SPAG16: variants seen among roughly 807,000 people sequenced by gnomAD.
SPAG16 encodes sperm-associated antigen 16 protein.
SPAG16 carries 86 observed loss-of-function variants against 80.4 expected under a neutral mutation model. The ratio of observed to expected loss-of-function variants is 1.07; its 90% CI spans 0.90 to 1.28. The LOEUF (loss-of-function observed/expected upper bound fraction) is 1.28. SPAG16 is among the 50% of genes most tolerant of loss of function. The pLI, the probability that SPAG16 is intolerant of heterozygous loss-of-function variation, is 0.00. For synonymous variants in SPAG16, 294 were observed against 265.9 expected (o/e 1.11, Z -1.03); for missense variants, 870 against 765.3 (o/e 1.14, Z -1.61).
intron 10 of SPAG16, among the ~76,000 whole-genome samples, chr2:213,860,460 C>CATATATATATATAT (rs1559529508): frequency 1.5e-5 from 2 of 131,590 alleles, no homozygotes; most frequent in African/African-American, 5.8e-5. Flanking sequence ...TATATATATA[C>CATATATATATATAT]AGATATATCT....
At chr2:213,554,865 C>G (rs986904500) in intron 10 of SPAG16, among the ~76,000 whole-genome samples, 1 of 151,142 alleles carries the variant, frequency 6.6e-6, no homozygotes, top group Non-Finnish European at 1.5e-5. Flanking sequence ...GCATCAAATA[C>G]AAATATTCAA....
intron 10 of SPAG16, among the ~76,000 whole-genome samples, chr2:213,511,349 G>C (rs2075218388): frequency 6.6e-6 from 1 of 151,996 alleles, no homozygotes; most frequent in African/African-American, 2.4e-5. Context: ...TTGAAGGCTA[G>C]TTTAAAATAA....
intron 13 of SPAG16, among the ~76,000 whole-genome samples, chr2:214,098,021 G>A (rs1012800406): frequency 1.3e-5 from 2 of 151,940 alleles, no homozygotes; most frequent in African/African-American, 4.8e-5. Context: ...GACCCAAGTA[G>A]TTTCGCTCCA....
intron 13 of SPAG16, among the ~76,000 whole-genome samples, chr2:214,080,778 A>C (rs1246974323): frequency 6.6e-6 from 1 of 152,146 alleles, no homozygotes; most frequent in Non-Finnish European, 1.5e-5. Context: ...ACCCAATCAA[A>C]ACAAACATAA....
chr2:213,956,608 T>C (rs1202282826), intron 12 of SPAG16, among the ~76,000 whole-genome samples: 1 of 151,678 alleles, frequency 6.6e-6, no homozygotes, highest in African/African-American at 2.4e-5. Flanking sequence ...CCACGACGCC[T>C]GGCTAATTTT....
At chr2:213,519,028 C>T (rs890882341) in intron 10 of SPAG16, among the ~76,000 whole-genome samples, 4 of 152,128 alleles carry the variant, frequency 2.6e-5, no homozygotes, top group African/African-American at 7.2e-5. Context: ...ATTGAGCACA[C>T]ATAGACGTAA....
intron 12 of SPAG16, among the ~76,000 whole-genome samples, chr2:213,981,696 G>T (rs2045754079): frequency 6.6e-6 from 1 of 151,934 alleles, no homozygotes; most frequent in African/African-American, 2.4e-5. Context: ...ATATTAATGT[G>T]AAGAGCGCAA....
intron 5 of SPAG16, among the ~76,000 whole-genome samples, chr2:213,338,625 A>G (rs1162271806): frequency 1.1e-4 from 17 of 152,246 alleles, no homozygotes; most frequent in Admixed American, 9.2e-4. Flanking sequence ...ATGCCCATCA[A>G]TGATAGACTG....
chr2:214,402,897 T>A (rs958955095), intron 15 of SPAG16, among the ~76,000 whole-genome samples: 2 of 152,002 alleles, frequency 1.3e-5, no homozygotes, highest in Admixed American at 1.3e-4. Context: ...AAAATTAATT[T>A]AAATATATTC....
At chr2:214,271,852 C>CCCA (rs1553541535) in intron 15 of SPAG16, among the ~76,000 whole-genome samples, 20 of 140,710 alleles carry the variant, frequency 1.4e-4, no homozygotes, top group African/African-American at 4.2e-4. Flanking sequence ...ACCCCCCCCC[C>CCCA]AAAAAAAAAG....
intron 9 of SPAG16, among the ~76,000 whole-genome samples, chr2:213,462,011 A>G (rs2072397066): frequency 6.6e-6 from 1 of 152,246 alleles, no homozygotes; most frequent in Non-Finnish European, 1.5e-5. Flanking sequence ...ACATTAGATT[A>G]TCAGTCATAA....
intron 12 of SPAG16, among the ~76,000 whole-genome samples, chr2:213,937,699 A>G (rs2079044641): frequency 6.6e-6 from 1 of 151,998 alleles, no homozygotes; most frequent in South Asian, 2.1e-4. Flanking sequence ...TATTCAAGAA[A>G]TATCTACCTT....
chr2:213,688,859 CCAGA>C (rs1280199911), intron 10 of SPAG16, among the ~76,000 whole-genome samples: 2 of 152,064 alleles, frequency 1.3e-5, no homozygotes, highest in Non-Finnish European at 2.9e-5. Flanking sequence ...AATTCTATCA[CCAGA>C]CATTTTATTT....
intron 15 of SPAG16, among the ~76,000 whole-genome samples, chr2:214,283,691 T>A (rs1187154146): frequency 6.6e-6 from 1 of 152,216 alleles, no homozygotes; most frequent in Non-Finnish European, 1.5e-5. Context: ...TGCTTTCTGC[T>A]GATATTGGCA....
chr2:214,365,593 C>A (rs941938865), intron 15 of SPAG16, among the ~76,000 whole-genome samples: 1 of 152,050 alleles, frequency 6.6e-6, no homozygotes, highest in African/African-American at 2.4e-5. Context: ...GAAAAAAAAT[C>A]CTTGTTTCCC....
At chr2:213,399,947 T>C (rs928946265) in intron 9 of SPAG16, among the ~76,000 whole-genome samples, 1 of 152,088 alleles carries the variant, frequency 6.6e-6, no homozygotes, top group Non-Finnish European at 1.5e-5. Context: ...TCATATTTTT[T>C]ATTATCTTTT....
chr2:213,503,751 A>C (rs936084337), intron 10 of SPAG16, among the ~76,000 whole-genome samples: 4 of 152,206 alleles, frequency 2.6e-5, no homozygotes, highest in Non-Finnish European at 5.9e-5. Flanking sequence ...TGAAAGTGAA[A>C]TGGTAAAATA....
intron 12 of SPAG16, among the ~76,000 whole-genome samples, chr2:213,960,387 G>C (rs1379387673): frequency 2.0e-5 from 3 of 151,086 alleles, no homozygotes; most frequent in African/African-American, 7.3e-5. Flanking sequence ...GACAATTTCT[G>C]TTTGTTTGTT....
At chr2:213,378,415 A>T (rs1483105780) in intron 9 of SPAG16, among the ~76,000 whole-genome samples, 1 of 152,248 alleles carries the variant, frequency 6.6e-6, no homozygotes, top group Non-Finnish European at 1.5e-5. Context: ...TAATAAGGTC[A>T]TAATTATGCC....
Sources: gnomAD v4.1 joint callset for allele counts (sites outside exome capture counted in the v4.1 genomes callset) on GRCh38, gnomAD v4.1.1 for gene constraint, MANE v1.5 for transcripts, NCBI Gene and HGNC (gene_info 2026-07-23, HGNC 2026-07-21) for gene names.